The following CSNK1A1 variants were observed in gnomAD, a reference collection of about 807,000 sequenced individuals.
CSNK1A1 encodes casein kinase I isoform alpha.
A neutral mutation model predicts 46.1 loss-of-function variants in CSNK1A1; 7 were observed. The ratio of observed to expected loss-of-function variants is 0.15; its 90% CI spans 0.09 to 0.29. The LOEUF is 0.29. Among genes scored for constraint, CSNK1A1 ranks in the 10% least tolerant of loss-of-function variants. The probability of loss-of-function intolerance (pLI) is 1.00; values close to 1 mark genes in which losing one functional copy is unlikely to be tolerated. For missense variants in CSNK1A1, 96 were observed against 417.1 expected, an observed-to-expected ratio of 0.23 and a Z score of 6.71; for synonymous variants, 137 against 141.5, an observed-to-expected ratio of 0.97 and a Z score of 0.23.
At chr5:149,518,547 C>T (rs1043278297) in intron 4 of CSNK1A1, among the ~76,000 whole-genome samples, 1 of 152,114 alleles carries the variant, frequency 6.6e-6, no homozygotes, top group African/African-American at 2.4e-5. Context: ...AAATCAACTA[C>T]ATAAACAAAA....
At chr5:149,543,430 A>C (rs1331697147) in intron 2 of CSNK1A1, among the ~76,000 whole-genome samples, 1 of 152,064 alleles carries the variant, frequency 6.6e-6, no homozygotes, top group African/African-American at 2.4e-5. Context: ...CCATGAATTC[A>C]GTTTCCCTTC....
At chr5:149,531,826 G>T (rs1014237289) in intron 2 of CSNK1A1, among the ~76,000 whole-genome samples, 1 of 145,726 alleles carries the variant, frequency 6.9e-6, no homozygotes, top group African/African-American at 2.5e-5. Context: ...GTGACAGCAA[G>T]ACTCCATCTC....
chr5:149,514,564 C>G (rs145932869), intron 4 of CSNK1A1, among the ~76,000 whole-genome samples: 150 of 152,294 alleles, frequency 9.8e-4, no homozygotes, highest in African/African-American at 3.2e-3. Context: ...GTTCTTCTCT[C>G]CATTAGACTA....
chr5:149,531,693 C>CA lies in CSNK1A1; in HGVS notation c.231-6523dup, dbSNP rs60488526. On this transcript the variant is annotated intron_variant, in intron 2 of 9. Transcript: ENST00000377843. ...CAAAACCCTGTCTCTACTAAAAATA[C>CA]AAAAAAAAAAAAAACAAAAAACAAA... is the stretch of plus-strand genomic sequence containing the variant. Among the ~76,000 whole-genome samples the CA allele has an allele frequency of 1.8e-3, 247 of 136,670 alleles. 2 individuals are homozygous for CA. The highest frequency in any genetic ancestry group is 7.6e-3 in the Middle Eastern group (2 of 264). 89.7% of individuals were successfully genotyped at this position (136,670 alleles called of 152,430 possible).
chr5:149,519,079 T>C (rs1172116754), intron 4 of CSNK1A1, among the ~76,000 whole-genome samples: 3 of 152,180 alleles, frequency 2.0e-5, no homozygotes, highest in Non-Finnish European at 4.4e-5. Context: ...AGCTATAAAA[T>C]ATTTTTTAAT....
intron 2 of CSNK1A1, chr5:149,545,259 T>A (rs1008237106): frequency 1.4e-5 from 3 of 215,196 alleles, no homozygotes; most frequent in Non-Finnish European, 2.7e-5. Flanking sequence ...ATTTTCTTTC[T>A]TTTTTTTTCC....
At chr5:149,501,698 T>G in intron 9 of CSNK1A1, 1 of 985,410 alleles carries the variant, frequency 1.0e-6, no homozygotes, top group Non-Finnish European at 1.2e-6. Flanking sequence ...GAATCCACCT[T>G]TGGGTTCACT....
At chr5:149,511,987 G>T in intron 5 of CSNK1A1, 115 bp from the exon 6 acceptor site, 1 of 733,666 alleles carries the variant, frequency 1.4e-6, no homozygotes, top group South Asian at 2.0e-5. Flanking sequence ...ACTATTTGGT[G>T]TCTTACGCAA....
At chr5:149,503,147 A>T (rs1760925751) in intron 9 of CSNK1A1, 1 of 985,316 alleles carries the variant, frequency 1.0e-6, no homozygotes, top group South Asian at 4.7e-5. Flanking sequence ...TAGAGACTGG[A>T]AGCAGGAATA....
intron 4 of CSNK1A1, among the ~76,000 whole-genome samples, chr5:149,516,375 C>CA (rs1761404461): frequency 6.6e-6 from 1 of 151,196 alleles, no homozygotes; most frequent in South Asian, 2.1e-4. Flanking sequence ...AACCAAAAAC[C>CA]AAAAAAAGTA....
At chr5:149,498,597 C>G in intron 9 of CSNK1A1, 1 of 974,154 alleles carries the variant, frequency 1.0e-6, no homozygotes. Context: ...AGAAATTAAA[C>G]AGATTAAACA....
At chr5:149,542,640 GTATATATA>G (rs1311690619) in intron 2 of CSNK1A1, among the ~76,000 whole-genome samples, 8 of 13,054 alleles carry the variant, frequency 6.1e-4, no homozygotes, top group Non-Finnish European at 7.2e-4. Context: ...ATATATATAT[GTATATATA>G]TATATATATA....
At chr5:149,549,570 A>T in intron 2 of CSNK1A1, 2 of 692,996 alleles carry the variant, frequency 2.9e-6, no homozygotes, top group South Asian at 1.5e-5. Flanking sequence ...AAAGGGCAGG[A>T]ATATGGGGTT....
chr5:149,510,157 T>G (rs1391682693), intron 6 of CSNK1A1, among the ~76,000 whole-genome samples: 1 of 152,232 alleles, frequency 6.6e-6, no homozygotes, highest in African/African-American at 2.4e-5. Flanking sequence ...CTCTAAGAAT[T>G]TAATTTTAGC....
At chr5:149,546,910 G>A (rs1762501620) in intron 2 of CSNK1A1, among the ~76,000 whole-genome samples, 1 of 152,208 alleles carries the variant, frequency 6.6e-6, no homozygotes, top group Non-Finnish European at 1.5e-5. Context: ...GGAAGATGCT[G>A]CTACCCAAAT....
chr5:149,499,422 A>G (rs886074102), intron 9 of CSNK1A1: 3 of 224,510 alleles, frequency 1.3e-5, no homozygotes, highest in Non-Finnish European at 2.2e-5. Flanking sequence ...TTATATAACT[A>G]ACAAGGATAT....
At chr5:149,498,163 C>A (rs185997743) in intron 9 of CSNK1A1, 2 of 985,224 alleles carry the variant, frequency 2.0e-6, no homozygotes, top group South Asian at 9.4e-5. Context: ...GTTGGGCCAT[C>A]TCCCATGGGC....
At chr5:149,514,730 G>A (rs1761346139) in intron 4 of CSNK1A1, among the ~76,000 whole-genome samples, 1 of 152,256 alleles carries the variant, frequency 6.6e-6, no homozygotes, top group African/African-American at 2.4e-5. Flanking sequence ...ATCTATTTCA[G>A]CCAAGCATTA....
At position 149,513,112 on chromosome 5, in the gene CSNK1A1, G is replaced by A. The variant is rs763536935; in HGVS notation, c.554C>T (p.Ala185Val). The A allele has an allele frequency of 6.2e-7, 1 of 1,614,036 alleles. No homozygotes were observed. Among genetic ancestry groups the A allele is most frequent in the Non-Finnish European group, 8.5e-7 (1 of 1,179,972 alleles). The change falls in exon 5 of 10, where the codon GCC becomes GTC. Residue 185 changes from alanine (A) to valine (V), a missense_variant. Ala to Val is a moderately conservative substitution (Grantham distance 64). Transcript: ENST00000377843. ...YREDKNLTGTARYASINAHLG... is the reference protein window; with the variant it reads ...YREDKNLTGTVRYASINAHLG... ...ATGTGCATTGATGCTAGCATATCGG[G>A]CAGTGCCAGTGAGGTTTTTATCTTC...
Sources: gnomAD v4.1 joint callset for allele counts (sites outside exome capture counted in the v4.1 genomes callset) on GRCh38, gnomAD v4.1.1 for gene constraint, MANE v1.5 for transcripts, NCBI Gene and HGNC (gene_info 2026-07-23, HGNC 2026-07-21) for gene names.